Variants in GRID2 observed in about 807,000 individuals in gnomAD.
The protein encoded by GRID2 is glutamate receptor ionotropic, delta-2.
GRID2 carries 33 observed loss-of-function variants against 114.8 expected under a neutral mutation model. The observed-to-expected ratio is 0.29, with a 90% confidence interval of 0.22 to 0.38. GRID2 has a LOEUF of 0.38. Among genes scored for constraint, GRID2 ranks in the 10% least tolerant of loss-of-function variants. The pLI is 1.00. For synonymous variants in GRID2, 505 were observed against 449.9 expected, an observed-to-expected ratio of 1.12 and a Z score of -1.55; for missense variants, 1,184 against 1,257.7, an observed-to-expected ratio of 0.94 and a Z score of 0.89.
intron 2 of GRID2, among the ~76,000 whole-genome samples, chr4:92,837,186 A>G (rs1033823375): frequency 2.6e-5 from 4 of 152,062 alleles, no homozygotes; most frequent in Non-Finnish European, 4.4e-5. Flanking sequence ...TAACGACACA[A>G]TCCTGATGAA....
chr4:92,930,368 A>C (rs1260141066), intron 2 of GRID2, among the ~76,000 whole-genome samples: 1 of 151,328 alleles, frequency 6.6e-6, no homozygotes, highest in Non-Finnish European at 1.5e-5. Context: ...CATTTAATAA[A>C]AGTCAAAACA....
intron 2 of GRID2, among the ~76,000 whole-genome samples, chr4:92,854,889 G>A (rs898521676): frequency 1.3e-5 from 2 of 151,920 alleles, no homozygotes; most frequent in African/African-American, 4.8e-5. Context: ...ATGAAATTGA[G>A]TATTCTGCTT....
At chr4:92,901,344 C>T (rs181903097) in intron 2 of GRID2, among the ~76,000 whole-genome samples, 104 of 152,202 alleles carry the variant, frequency 6.8e-4, no homozygotes, top group Non-Finnish European at 1.3e-3. Flanking sequence ...AGCAATTTTT[C>T]ATATGCTTGT....
chr4:93,687,900 A>G (rs1726215343), intron 14 of GRID2, among the ~76,000 whole-genome samples: 1 of 152,046 alleles, frequency 6.6e-6, no homozygotes, highest in South Asian at 2.1e-4. Context: ...GATCTAGTAG[A>G]GAGGCAAAGA....
Position 93,176,292 on chromosome 4 carries a change from A to G in GRID2, c.736-31112A>G, listed in dbSNP as rs146025539. ...AGTGATAAGAAATTTTTCCTCACCAATCTCATTTTGCTTACTGCTTTTAAT... is the reference window on the plus strand; with the variant it reads ...AGTGATAAGAAATTTTTCCTCACCAGTCTCATTTTGCTTACTGCTTTTAAT... On this transcript the variant is annotated intron_variant, in intron 4 of 15. Coordinates refer to ENST00000282020, the MANE Select transcript of GRID2 (RefSeq NM_001510.4). 5.6e-3 allele frequency among the ~76,000 whole-genome samples: 849 copies of G among 152,272 alleles called. 10 individuals are homozygous for G. Among genetic ancestry groups the G allele is most frequent in the African/African-American group, 0.02 (814 of 41,562 alleles).
chr4:92,909,265 T>C (rs1748192307), intron 2 of GRID2, among the ~76,000 whole-genome samples: 2 of 143,580 alleles, frequency 1.4e-5, no homozygotes, highest in East Asian at 2.0e-4. Context: ...AGTTTTTTTC[T>C]TTTTTTTTTT....
chr4:92,702,774 C>CT (rs1734746390), intron 2 of GRID2: 1 of 151,294 alleles, frequency 6.6e-6, no homozygotes, highest in Non-Finnish European at 1.5e-5. Context: ...ACCATAATAC[C>CT]TTTTTGGGTA....
chr4:92,355,316 A>G (rs1728267497), intron 1 of GRID2, among the ~76,000 whole-genome samples: 1 of 151,840 alleles, frequency 6.6e-6, no homozygotes, highest in Non-Finnish European at 1.5e-5. Context: ...CTAATTGATA[A>G]TTTTACATAG....
chr4:92,448,378 G>T (rs369260982), intron 1 of GRID2, among the ~76,000 whole-genome samples: 2 of 152,056 alleles, frequency 1.3e-5, no homozygotes, highest in African/African-American at 4.8e-5. Context: ...TCTTGGCCAG[G>T]CTGGTCTTGA....
intron 13 of GRID2, among the ~76,000 whole-genome samples, chr4:93,603,464 T>C (rs1471679637): frequency 1.3e-5 from 2 of 152,154 alleles, no homozygotes; most frequent in Non-Finnish European, 2.9e-5. Flanking sequence ...GCCGTCTCCA[T>C]AAAATGAAAG....
At chr4:92,403,876 G>A (rs1189131348) in intron 1 of GRID2, among the ~76,000 whole-genome samples, 1 of 152,010 alleles carries the variant, frequency 6.6e-6, no homozygotes, top group Non-Finnish European at 1.5e-5. Context: ...GGGAATGGCT[G>A]GAAAGTGGAG....
intron 1 of GRID2, among the ~76,000 whole-genome samples, chr4:92,387,586 T>C (rs78673594): frequency 0.027 from 4,079 of 151,984 alleles, 106 homozygotes; most frequent in East Asian, 0.1. Context: ...GTGGTAACTG[T>C]ACCCAGGAGC....
chr4:93,252,262 C>A (rs1749033233), intron 8 of GRID2, among the ~76,000 whole-genome samples: 1 of 150,250 alleles, frequency 6.7e-6, no homozygotes, highest in Non-Finnish European at 1.5e-5. Flanking sequence ...GGAAGGGATC[C>A]AGTTTCAATT....
intron 1 of GRID2, among the ~76,000 whole-genome samples, chr4:93,795,679 T>A (rs1734782327): frequency 6.6e-6 from 1 of 152,224 alleles, no homozygotes; most frequent in African/African-American, 2.4e-5. Context: ...GGATTCTTCC[T>A]AACTTCTGTA....
rs117579980 is a variant in GRID2 at position 93,553,480 on chromosome 4, C to A, written c.2193+38069C>A. Among the ~76,000 whole-genome samples, 61 of 152,222 alleles carry A rather than the reference C, an allele frequency of 4.0e-4. 3 individuals carry two copies. In the East Asian group the frequency reaches 0.011, roughly 28 times the overall value. On this transcript the variant is annotated intron_variant, in intron 13 of 15. Coordinates refer to ENST00000282020, the MANE Select transcript of GRID2 (RefSeq NM_001510.4). ...TTATAGTTCATCTTGCTCAATTATTCCTCTCAGCTGTGTGTATTCTGATAA... is the reference window on the plus strand; with the variant it reads ...TTATAGTTCATCTTGCTCAATTATTACTCTCAGCTGTGTGTATTCTGATAA...
intron 2 of GRID2, among the ~76,000 whole-genome samples, chr4:92,930,521 A>G (rs1007841349): frequency 2.0e-5 from 3 of 150,844 alleles, no homozygotes. Context: ...CTATGAAGAC[A>G]GGATATAAGA....
intron 4 of GRID2, among the ~76,000 whole-genome samples, chr4:93,174,556 G>A (rs561355280): frequency 6.6e-6 from 1 of 152,260 alleles, no homozygotes; most frequent in African/African-American, 2.4e-5. Context: ...TCTGGAGATA[G>A]GGTCTTTCGG....
At chr4:92,435,715 C>T (rs906495995) in intron 1 of GRID2, among the ~76,000 whole-genome samples, 1 of 152,096 alleles carries the variant, frequency 6.6e-6, no homozygotes, top group African/African-American at 2.4e-5. Flanking sequence ...GTACTAGGGT[C>T]CATGGATGAA....
intron 4 of GRID2, among the ~76,000 whole-genome samples, chr4:93,128,761 C>T (rs963177462): frequency 6.6e-6 from 1 of 152,128 alleles, no homozygotes; most frequent in Non-Finnish European, 1.5e-5. Flanking sequence ...AAATGTTCAT[C>T]CTGGTTCAAA....
Sources: gnomAD v4.1 joint callset for allele counts (sites outside exome capture counted in the v4.1 genomes callset) on GRCh38, gnomAD v4.1.1 for gene constraint, MANE v1.5 for transcripts, NCBI Gene and HGNC (gene_info 2026-07-23, HGNC 2026-07-21) for gene names.